Variants in GRAMD4 observed in about 807,000 individuals in gnomAD.
The protein encoded by GRAMD4 is GRAM domain-containing protein 4.
A neutral mutation model predicts 83.9 loss-of-function variants in GRAMD4; 25 were observed. That is an observed-to-expected ratio of 0.30 (90% CI 0.22 to 0.42). GRAMD4 has a LOEUF of 0.42. GRAMD4 is among the 10% of genes least tolerant of loss of function. GRAMD4 has a pLI of 1.00. For missense variants in GRAMD4, 593 were observed against 788.7 expected, an observed-to-expected ratio of 0.75 and a Z score of 2.97; for synonymous variants, 336 against 320.9, an observed-to-expected ratio of 1.05 and a Z score of -0.50.
chr22:46,661,476 G>T, intron 5 of GRAMD4, 34 bp downstream of exon 5: 1 of 1,468,218 alleles, frequency 6.8e-7, no homozygotes, highest in Non-Finnish European at 9.5e-7. Context: ...CAGGCAGGCG[G>T]GCGGGTGGGT....
intron 2 of GRAMD4, among the ~76,000 whole-genome samples, chr22:46,633,759 G>A (rs1409839596): frequency 6.6e-6 from 1 of 152,204 alleles, no homozygotes; most frequent in Non-Finnish European, 1.5e-5. Flanking sequence ...GCAACCCCTA[G>A]TTCCGAGCAG....
At chr22:46,597,873 G>GGTTTT (rs946860010) in intron 1 of GRAMD4, among the ~76,000 whole-genome samples, 8 of 152,142 alleles carry the variant, frequency 5.3e-5, no homozygotes, top group East Asian at 1.9e-4. Context: ...GTGACACGTT[G>GGTTTT]GTTTTGTTTT....
chr22:46,577,104 G>A (rs2081049008), upstream of GRAMD4: 1 of 160,848 alleles, frequency 6.2e-6, no homozygotes, highest in Admixed American at 6.8e-5. Flanking sequence ...CGCGCAGCGG[G>A]ACGCGAGCGC....
At chr22:46,578,636 A>G (rs528051931) in intron 1 of GRAMD4, among the ~76,000 whole-genome samples, 1 of 152,228 alleles carries the variant, frequency 6.6e-6, no homozygotes, top group Admixed American at 6.5e-5. Context: ...GGGGATGCAC[A>G]GTCTGGCCAG....
chr22:46,644,293 T>TCCCTGTTCCGTGTTACACCTGC (rs1410253858), intron 3 of GRAMD4, among the ~76,000 whole-genome samples: 9 of 151,914 alleles, frequency 5.9e-5, no homozygotes, highest in East Asian at 1.9e-4. Flanking sequence ...GTTACACCTG[T>TCCCTGTTCCGTGTTACACCTGC]CCCTGTTCCG....
At chr22:46,669,271 G>T (rs1744685572) in intron 13 of GRAMD4, among the ~76,000 whole-genome samples, 1 of 152,212 alleles carries the variant, frequency 6.6e-6, no homozygotes, top group African/African-American at 2.4e-5. Flanking sequence ...TGGAGAGCCT[G>T]AGAGCCTGGT....
intron 13 of GRAMD4, among the ~76,000 whole-genome samples, chr22:46,671,744 GC>G (rs1442898809): frequency 6.6e-6 from 1 of 151,212 alleles, no homozygotes; most frequent in Non-Finnish European, 1.5e-5. Flanking sequence ...AGAGGCTGAG[GC>G]AGGAGAATCG....
chr22:46,653,486 G>A (rs1399449399), intron 3 of GRAMD4, among the ~76,000 whole-genome samples: 1 of 152,184 alleles, frequency 6.6e-6, no homozygotes, highest in Non-Finnish European at 1.5e-5. Context: ...GGCATGACAT[G>A]GCATCCCAGG....
At chr22:46,626,642 G>A in intron 1 of GRAMD4, 109 bp from the exon 2 acceptor site, 1 of 647,042 alleles carries the variant, frequency 1.5e-6, no homozygotes, top group East Asian at 2.8e-5. Context: ...GGGGTCTCTG[G>A]GTCGGGGTTT....
At chr22:46,647,999 T>C (rs190279510) in intron 3 of GRAMD4, among the ~76,000 whole-genome samples, 2 of 152,394 alleles carry the variant, frequency 1.3e-5, no homozygotes, top group East Asian at 1.9e-4. Flanking sequence ...TTATCTGTGA[T>C]TTCCAAGGGC....
intron 17 of GRAMD4, among the ~76,000 whole-genome samples, chr22:46,676,239 G>A (rs186035412): frequency 3.3e-5 from 5 of 152,304 alleles, no homozygotes; most frequent in East Asian, 1.9e-4. Flanking sequence ...GGTCCTTTCC[G>A]CCTGCCTCTT....
At chr22:46,675,780 C>T (rs2082588475) in intron 17 of GRAMD4, among the ~76,000 whole-genome samples, 1 of 152,164 alleles carries the variant, frequency 6.6e-6, no homozygotes, top group South Asian at 2.1e-4. Flanking sequence ...AGTGGAGGGG[C>T]TGGGTTGGAG....
upstream of GRAMD4, among the ~76,000 whole-genome samples, chr22:46,616,687 T>C (rs1457799629): frequency 7.5e-6 from 1 of 134,164 alleles, no homozygotes; most frequent in Non-Finnish European, 1.6e-5. Flanking sequence ...CCTGTGCGTG[T>C]AGGTTCCCCT....
intron 13 of GRAMD4, among the ~76,000 whole-genome samples, chr22:46,669,830 C>T (rs952587716): frequency 1.3e-5 from 2 of 152,216 alleles, no homozygotes; most frequent in Non-Finnish European, 2.9e-5. Context: ...CTGCCCACCT[C>T]GGCCTCCCAA....
rs572481375 is a variant in GRAMD4 at position 46,643,373 on chromosome 22, A to G, written c.283+5413A>G. On this transcript the variant is annotated intron_variant, in intron 3 of 18. Coordinates refer to ENST00000406902, the MANE Select transcript of GRAMD4 (RefSeq NM_015124.5). ...CATCCATCTATTTATCCATCCATGTATTCTTTTTTTCTGAGCTGCTTGATG... is the reference window on the plus strand; with the variant it reads ...CATCCATCTATTTATCCATCCATGTGTTCTTTTTTTCTGAGCTGCTTGATG... 8.6e-5 allele frequency among the ~76,000 whole-genome samples: 13 copies of G among 151,830 alleles called. No individual in the cohort carries two copies. In the South Asian group the frequency reaches 2.7e-3, roughly 32 times the overall value.
chr22:46,645,475 C>T (rs959595144), intron 3 of GRAMD4, among the ~76,000 whole-genome samples: 9 of 152,186 alleles, frequency 5.9e-5, no homozygotes, highest in African/African-American at 1.2e-4. Flanking sequence ...TTGACTCAGG[C>T]GCTGGTTACC....
chr22:46,614,259 G>A lies in GRAMD4; in HGVS notation c.-49-12492G>A, dbSNP rs574379784. On this transcript the variant is annotated intron_variant, in intron 1 of 1. Coordinates refer to the GRAMD4 transcript ENST00000431155. ...AATGATGGCCGCTGGCATGGCGGGA[G>A]TGTGTGCACCAAGGGCGGGGCGCTG... Among the ~76,000 whole-genome samples the A allele has an allele frequency of 2.3e-3, 344 of 152,352 alleles. 9 individuals carry two copies. The highest frequency in any genetic ancestry group is 0.021 in the Admixed American group (315 of 15,294).
intron 13 of GRAMD4, among the ~76,000 whole-genome samples, chr22:46,670,608 T>C (rs1319565935): frequency 6.6e-6 from 1 of 152,108 alleles, no homozygotes; most frequent in Non-Finnish European, 1.5e-5. Context: ...TCTGCCCTGC[T>C]GTCCTTTTTT....
At chr22:46,581,425 AGAGC>A (rs1569242992) in intron 1 of GRAMD4, among the ~76,000 whole-genome samples, 13 of 152,262 alleles carry the variant, frequency 8.5e-5, no homozygotes, top group African/African-American at 3.1e-4. Flanking sequence ...GTTCCCGAGC[AGAGC>A]TGGGATTTGC....
Sources: allele counts gnomAD v4.1 joint callset (sites outside exome capture counted in the v4.1 genomes callset), GRCh38; gene constraint gnomAD v4.1.1; transcripts MANE v1.5; gene names NCBI Gene and HGNC (gene_info 2026-07-23, HGNC 2026-07-21).